AUTS2: variants seen among roughly 807,000 people sequenced by gnomAD.
AUTS2 encodes activator of transcription and developmental regulator AUTS2, also known as autism susceptibility gene 2 protein.
Under a neutral mutation model 112.4 loss-of-function variants are expected in AUTS2, and 17 were observed. That is an observed-to-expected ratio of 0.15 (90% CI 0.10 to 0.23). The LOEUF (loss-of-function observed/expected upper bound fraction) is 0.23. AUTS2 is among the 10% of genes least tolerant of loss of function. The pLI is 1.00. For synonymous variants in AUTS2, 751 were observed against 702.7 expected (o/e 1.07, Z -1.09); for missense variants, 1,510 against 1,701.6 (o/e 0.89, Z 1.98).
chr7:70,096,324 C>T (rs1037439695), intron 2 of AUTS2, among the ~76,000 whole-genome samples: 3 of 152,044 alleles, frequency 2.0e-5, no homozygotes, highest in African/African-American at 7.2e-5. Context: ...AAGCCGGTCG[C>T]AGTGGCTCAC....
chr7:70,626,176 G>T (rs7806661), intron 5 of AUTS2, among the ~76,000 whole-genome samples: 46,694 of 151,324 alleles, frequency 0.31, 8,011 homozygotes, highest in South Asian at 0.53. Context: ...GCCTCCCAAA[G>T]TGCTGGGATT....
intron 2 of AUTS2, among the ~76,000 whole-genome samples, chr7:69,958,408 A>C (rs993470734): frequency 6.6e-6 from 1 of 152,158 alleles, no homozygotes; most frequent in Non-Finnish European, 1.5e-5. Flanking sequence ...GTGCCACTGC[A>C]TGATAACTTA....
At chr7:70,628,574 C>G (rs1380421051) in intron 5 of AUTS2, among the ~76,000 whole-genome samples, 5 of 151,782 alleles carry the variant, frequency 3.3e-5, no homozygotes, top group Non-Finnish European at 7.4e-5. Context: ...ACCTACATCC[C>G]TCCCCCTCCC....
At chr7:70,464,126 C>T (rs142422439) in intron 5 of AUTS2, among the ~76,000 whole-genome samples, 56 of 152,284 alleles carry the variant, frequency 3.7e-4, no homozygotes, top group African/African-American at 1.2e-3. Flanking sequence ...AGGTAAGCTC[C>T]GCAGAGCTTC....
chr7:70,381,385 G>A (rs1414713047), intron 4 of AUTS2, among the ~76,000 whole-genome samples: 2 of 152,144 alleles, frequency 1.3e-5, no homozygotes, highest in Non-Finnish European at 2.9e-5. Context: ...ACAGCTGTGT[G>A]TTTTCCTGTG....
At chr7:70,136,395 A>G (rs935046982) in intron 4 of AUTS2, among the ~76,000 whole-genome samples, 1 of 152,206 alleles carries the variant, frequency 6.6e-6, no homozygotes, top group Non-Finnish European at 1.5e-5. Context: ...TTGTTATGTT[A>G]TCAGAGTGCA....
At chr7:70,216,858 G>A (rs780432544) in intron 4 of AUTS2, among the ~76,000 whole-genome samples, 1 of 152,100 alleles carries the variant, frequency 6.6e-6, no homozygotes, top group Non-Finnish European at 1.5e-5. Context: ...CTGCTTCTGG[G>A]AGAACCCCAG....
chr7:69,706,211 T>A (rs981408267), intron 1 of AUTS2, among the ~76,000 whole-genome samples: 7 of 152,126 alleles, frequency 4.6e-5, no homozygotes, highest in African/African-American at 1.7e-4. Context: ...TAGCTGGGGT[T>A]GGGGATGGGC....
chr7:69,673,724 A>G (rs1215370946), intron 1 of AUTS2, among the ~76,000 whole-genome samples: 1 of 152,240 alleles, frequency 6.6e-6, no homozygotes, highest in East Asian at 1.9e-4. Flanking sequence ...AACTTTGCCA[A>G]CTAATAGTAC....
At position 70,774,309 on chromosome 7, in the gene AUTS2, T is replaced by G. The variant is rs987568399; in HGVS notation, c.1902+210T>G. ...AGCATAGGACACAAAGAGACCGACTTGCCGATGGGAGAAAAGAGGAATGAG... is the reference window on the plus strand; with the variant it reads ...AGCATAGGACACAAAGAGACCGACTGGCCGATGGGAGAAAAGAGGAATGAG... On this transcript the variant is annotated intron_variant, in intron 12 of 18. Transcript: ENST00000342771. 35 of 548,682 alleles carry G rather than the reference T, an allele frequency of 6.4e-5. No individual in the cohort carries two copies. In the East Asian group the frequency reaches 1.0e-3, roughly 16 times the overall value. The allele number at this position is 548,682 out of a possible 1,614,324, so 34.0% of individuals were successfully genotyped here. A position where few individuals can be genotyped will look rare whatever the true frequency, so the allele number is the denominator to read the frequency against.
chr7:69,906,593 C>T lies in AUTS2; in HGVS notation c.522+7095C>T, dbSNP rs548395416. Among the ~76,000 whole-genome samples the T allele has an allele frequency of 1.4e-3, 212 of 152,310 alleles. 2 individuals are homozygous for T. The highest frequency in any genetic ancestry group is 4.7e-3 in the African/African-American group (195 of 41,574). ...AGCAACTGCTTTCATTACTGCCTTT[C>T]GAGGAGCTGTTAATTGAAAATGAAA... is the stretch of plus-strand genomic sequence containing the variant. On this transcript the variant is annotated intron_variant, in intron 2 of 18. Transcript: ENST00000342771.
chr7:69,656,969 A>AG (rs1170872209), intron 1 of AUTS2, among the ~76,000 whole-genome samples: 2 of 152,284 alleles, frequency 1.3e-5, no homozygotes, highest in East Asian at 3.9e-4. Flanking sequence ...GATGAATGGG[A>AG]GGATCTAAGT....
At chr7:70,754,790 A>C (rs1166735346) in intron 6 of AUTS2, among the ~76,000 whole-genome samples, 1 of 151,826 alleles carries the variant, frequency 6.6e-6, no homozygotes, top group East Asian at 1.9e-4. Flanking sequence ...ATATTCAAAA[A>C]GATACGGATG....
Position 69,929,254 on chromosome 7 carries a change from G to A in AUTS2, c.522+29756G>A, listed in dbSNP as rs1156506743. 2.0e-5 allele frequency among the ~76,000 whole-genome samples: 3 copies of A among 151,882 alleles called. No homozygotes were observed. In the East Asian group the frequency reaches 5.8e-4, roughly 29 times the overall value. On this transcript the variant is annotated intron_variant, in intron 2 of 18. Transcript: ENST00000342771. ...TGTGTCACTCTTAGTTTCTGGTAAT[G>A]TAACTTGTCTTTTTTTTTGACTGCT... is the stretch of plus-strand genomic sequence containing the variant.
At position 70,007,210 on chromosome 7, in the gene AUTS2, A is replaced by T. The variant is rs1411686886; in HGVS notation, c.522+107712A>T. Among the ~76,000 whole-genome samples, 10 of 152,150 alleles carry T rather than the reference A, an allele frequency of 6.6e-5. No homozygotes were observed. The East Asian group carries it at 1.9e-3, about 29-fold the overall frequency. On this transcript the variant is annotated intron_variant, in intron 2 of 18. Coordinates refer to ENST00000342771, the MANE Select transcript of AUTS2 (RefSeq NM_015570.4). ...TGTTTTAAGTTTTATTACCTTTATT[A>T]TTACAAACTAAAAATGATAACCTCA...
At chr7:70,261,221 A>G (rs1787154329) in intron 4 of AUTS2, among the ~76,000 whole-genome samples, 1 of 152,246 alleles carries the variant, frequency 6.6e-6, no homozygotes, top group Admixed American at 6.5e-5. Context: ...GAGAAGGCAC[A>G]CACAAAAAGG....
chr7:70,782,436 G>C (rs1214261950), intron 15 of AUTS2: 1 of 152,272 alleles, frequency 6.6e-6, no homozygotes, highest in East Asian at 1.9e-4. Context: ...GAAGGGGTGA[G>C]GTAGAGAGTG....
At chr7:69,911,827 A>C (rs1263440078) in intron 2 of AUTS2, among the ~76,000 whole-genome samples, 1 of 152,132 alleles carries the variant, frequency 6.6e-6, no homozygotes, top group Non-Finnish European at 1.5e-5. Flanking sequence ...TCATCAATGA[A>C]GTCTTCACTC....
At chr7:70,627,068 T>C (rs1229904609) in intron 5 of AUTS2, among the ~76,000 whole-genome samples, 1 of 152,236 alleles carries the variant, frequency 6.6e-6, no homozygotes, top group African/African-American at 2.4e-5. Flanking sequence ...AATTCTGTTT[T>C]AAGTTCTTTG....
Sources: gnomAD v4.1 joint callset for allele counts (sites outside exome capture counted in the v4.1 genomes callset) on GRCh38, gnomAD v4.1.1 for gene constraint, MANE v1.5 for transcripts, NCBI Gene and HGNC (gene_info 2026-07-23, HGNC 2026-07-21) for gene names.